MLLT10: variants seen among roughly 807,000 people sequenced by gnomAD.
The protein encoded by MLLT10 is protein AF-10.
MLLT10 carries 30 observed loss-of-function variants against 129.1 expected under a neutral mutation model. The ratio of observed to expected loss-of-function variants is 0.23; its 90% CI spans 0.17 to 0.32. The LOEUF is 0.32. Among genes scored for constraint, MLLT10 ranks in the 10% least tolerant of loss-of-function variants. The probability of loss-of-function intolerance (pLI) is 1.00; values close to 1 mark genes in which losing one functional copy is unlikely to be tolerated. For missense variants in MLLT10, 1,119 were observed against 1,268.3 expected, an observed-to-expected ratio of 0.88 and a Z score of 1.79; for synonymous variants, 490 against 446.4, an observed-to-expected ratio of 1.10 and a Z score of -1.23.
intron 3 of MLLT10, among the ~76,000 whole-genome samples, chr10:21,565,811 G>T (rs932934979): frequency 6.6e-6 from 1 of 151,348 alleles, no homozygotes; most frequent in Admixed American, 6.6e-5. Flanking sequence ...TTGTTATGTT[G>T]CCCAGCCTGG....
chr10:21,665,400 TGCC>T (rs1366015621), intron 9 of MLLT10, among the ~76,000 whole-genome samples: 2 of 151,312 alleles, frequency 1.3e-5, no homozygotes, highest in Non-Finnish European at 2.9e-5. Context: ...GCGATTCTCC[TGCC>T]TCAGCCTCCT....
intron 4 of MLLT10, among the ~76,000 whole-genome samples, chr10:21,589,596 C>T (rs558382598): frequency 7.9e-4 from 120 of 152,188 alleles, no homozygotes; most frequent in African/African-American, 2.6e-3. Flanking sequence ...CTTTTTTCCT[C>T]TTTCTGAATC....
At chr10:21,665,019 C>G (rs918870626) in intron 9 of MLLT10, among the ~76,000 whole-genome samples, 1 of 145,978 alleles carries the variant, frequency 6.9e-6, no homozygotes, top group African/African-American at 2.5e-5. Flanking sequence ...GATCTCAGCT[C>G]ACTGCAACCT....
intron 5 of MLLT10, among the ~76,000 whole-genome samples, chr10:21,607,746 G>C (rs2044204388): frequency 6.6e-6 from 1 of 152,156 alleles, no homozygotes; most frequent in African/African-American, 2.4e-5. Context: ...AAATTAAATA[G>C]ATAAGAGAAG....
chr10:21,607,887 A>AT (rs1419091249), intron 5 of MLLT10, among the ~76,000 whole-genome samples: 5 of 151,264 alleles, frequency 3.3e-5, no homozygotes, highest in Non-Finnish European at 7.4e-5. Context: ...TTCCTTTAGT[A>AT]TTTCTTTTTT....
At chr10:21,632,069 A>G (rs1442558761) in intron 8 of MLLT10, among the ~76,000 whole-genome samples, 1 of 152,038 alleles carries the variant, frequency 6.6e-6, no homozygotes, top group Non-Finnish European at 1.5e-5. Context: ...TATTTGGGAG[A>G]ATAAATTTTG....
intron 9 of MLLT10, among the ~76,000 whole-genome samples, chr10:21,666,232 A>G (rs886315529): frequency 1.3e-5 from 2 of 152,198 alleles, no homozygotes; most frequent in African/African-American, 2.4e-5. Flanking sequence ...ACTAGTTTAC[A>G]TAAAGTATAA....
intron 3 of MLLT10, among the ~76,000 whole-genome samples, chr10:21,548,000 G>A (rs2036388250): frequency 6.6e-6 from 1 of 152,014 alleles, no homozygotes; most frequent in East Asian, 1.9e-4. Context: ...AGGGTCTGAG[G>A]CTAGTAAGTA....
In MLLT10 at chr10:21,612,349, C is replaced by A; in HGVS notation, c.407C>A (p.Thr136Asn). 6.3e-7 allele frequency: 1 copy of A among 1,586,378 alleles called. No homozygotes were observed. Among genetic ancestry groups the A allele is most frequent in the Non-Finnish European group, 8.6e-7 (1 of 1,162,296 alleles). ...GTCTTTTTTTTTTTTAACCCCAAGA[C>A]TTGCTACATTTGTGATGAACAAGGA... ...QSVPHDRYNK[T>N]CYICDEQGRE... Residue 136 changes from threonine (T) to asparagine (N), a missense_variant and splice_region_variant, in exon 6 of 23, where the codon ACT becomes AAT. By Grantham distance (65) the Thr-to-Asn change is moderately conservative. Coordinates refer to ENST00000307729, the MANE Select transcript of MLLT10 (RefSeq NM_001195626.3).
At chr10:21,574,267 T>G (rs2040505247) in intron 3 of MLLT10, among the ~76,000 whole-genome samples, 1 of 152,242 alleles carries the variant, frequency 6.6e-6, no homozygotes, top group South Asian at 2.1e-4. Flanking sequence ...TCATTAATAA[T>G]AATCTTTGGC....
At chr10:21,562,782 T>C (rs2038992188) in intron 3 of MLLT10, among the ~76,000 whole-genome samples, 1 of 151,734 alleles carries the variant, frequency 6.6e-6, no homozygotes, top group African/African-American at 2.4e-5. Context: ...TCTTGCGTTT[T>C]CTTCATTGCT....
chr10:21,717,545 TCTTC>T (rs1384103991), intron 14 of MLLT10, among the ~76,000 whole-genome samples: 1 of 64,054 alleles, frequency 1.6e-5, no homozygotes, highest in African/African-American at 5.9e-5. Flanking sequence ...CCTCCTCCCT[TCTTC>T]TTTCTTCTTC....
chr10:21,558,560 T>C (rs2038372687), intron 3 of MLLT10, among the ~76,000 whole-genome samples: 1 of 151,732 alleles, frequency 6.6e-6, no homozygotes, highest in Admixed American at 6.6e-5. Context: ...TAATTTTTAA[T>C]TAAAGAATAG....
Position 21,717,707 on chromosome 10 carries a change from C to T in MLLT10, c.1878+3757C>T, listed in dbSNP as rs1182917533. Among the ~76,000 whole-genome samples, 258 of 85,630 alleles carry T rather than the reference C, an allele frequency of 3.0e-3. 11 individuals are homozygous for T. The highest frequency in any genetic ancestry group is 5.7e-3 in the African/African-American group (104 of 18,182). The allele number at this position is 85,630 out of a possible 152,430, so 56.2% of individuals were successfully genotyped here. A position where few individuals can be genotyped will look rare whatever the true frequency, so the allele number is the denominator to read the frequency against. ...CCTCCTCCTCCTCCTCCTCTTCCTC[C>T]TCCTCCTCTTCCTCCTCCTCCTCCT... On this transcript the variant is annotated intron_variant, in intron 14 of 22. Coordinates refer to ENST00000307729, the MANE Select transcript of MLLT10 (RefSeq NM_001195626.3).
intron 9 of MLLT10, among the ~76,000 whole-genome samples, chr10:21,663,502 A>G (rs1419247188): frequency 6.7e-6 from 1 of 149,966 alleles, no homozygotes; most frequent in Non-Finnish European, 1.5e-5. Flanking sequence ...TCAGCCTCCC[A>G]AGTAGCTGGG....
At chr10:21,587,225 C>T (rs1486503173) in intron 4 of MLLT10, among the ~76,000 whole-genome samples, 1 of 151,464 alleles carries the variant, frequency 6.6e-6, no homozygotes, top group East Asian at 1.9e-4. Context: ...CATAGGGAGA[C>T]CTTGGTCTCT....
At chr10:21,626,690 T>A (rs1243180) in intron 8 of MLLT10, among the ~76,000 whole-genome samples, 35,268 of 152,130 alleles carry the variant, frequency 0.23, 5,168 homozygotes, top group Middle Eastern at 0.46. Flanking sequence ...TACTTTCTTC[T>A]GTGGCCCTCA....
At chr10:21,623,257 G>A (rs1280859368) in intron 8 of MLLT10, among the ~76,000 whole-genome samples, 5 of 152,196 alleles carry the variant, frequency 3.3e-5, no homozygotes, top group African/African-American at 9.7e-5. Context: ...CAGAGGTACC[G>A]GGGTAGGACT....
intron 3 of MLLT10, among the ~76,000 whole-genome samples, chr10:21,563,134 C>T (rs1035454588): frequency 6.6e-5 from 10 of 152,168 alleles, no homozygotes; most frequent in Non-Finnish European, 1.5e-4. Flanking sequence ...ACCTGCTTTC[C>T]TCCTGCCGCC....
Sources: gnomAD v4.1 joint callset for allele counts (sites outside exome capture counted in the v4.1 genomes callset) on GRCh38, gnomAD v4.1.1 for gene constraint, MANE v1.5 for transcripts, NCBI Gene and HGNC (gene_info 2026-07-23, HGNC 2026-07-21) for gene names.